Variants in SLC25A13 observed in about 807,000 individuals in gnomAD.
SLC25A13 encodes electrogenic aspartate/glutamate antiporter SLC25A13, mitochondrial.
SLC25A13 carries 70 observed loss-of-function variants against 85.5 expected under a neutral mutation model. That is an observed-to-expected ratio of 0.82 (90% CI 0.68 to 1.00). The LOEUF (loss-of-function observed/expected upper bound fraction) is 1.00, where lower values mean the gene tolerates loss of function less well. SLC25A13 is among the 50% of genes least tolerant of loss of function. The pLI is 0.00. For missense variants in SLC25A13, 765 were observed against 819.8 expected, an observed-to-expected ratio of 0.93 and a Z score of 0.82; for synonymous variants, 259 against 288.7, an observed-to-expected ratio of 0.90 and a Z score of 1.04.
chr7:96,309,245 G>A (rs1393871759), intron 1 of SLC25A13, among the ~76,000 whole-genome samples: 1 of 152,162 alleles, frequency 6.6e-6, no homozygotes, highest in Admixed American at 6.5e-5. Context: ...TGGACCTGCT[G>A]GGAATTTTGC....
chr7:96,170,157 A>C (rs200880002), intron 12 of SLC25A13, 32 bp from the exon 13 acceptor site: 154 of 1,583,250 alleles, frequency 9.7e-5, no homozygotes, highest in Admixed American at 4.8e-4. Flanking sequence ...AAGCTGATGA[A>C]AAATATAAAG....
intron 4 of SLC25A13, among the ~76,000 whole-genome samples, chr7:96,222,599 C>T (rs1163786814): frequency 6.6e-6 from 1 of 152,132 alleles, no homozygotes; most frequent in Non-Finnish European, 1.5e-5. Context: ...GCACATGCCA[C>T]CATGCCCAGC....
intron 2 of SLC25A13, among the ~76,000 whole-genome samples, chr7:96,293,222 C>T (rs544201991): frequency 6.6e-6 from 1 of 152,068 alleles, no homozygotes; most frequent in Admixed American, 6.6e-5. Flanking sequence ...AACTGGCTAG[C>T]CATATGTAGA....
rs1457091540 is a variant in SLC25A13, at chr7:96,158,442, T to A, written c.1311+11603A>T. On this transcript the variant is annotated intron_variant, in intron 13 of 17. Transcript: ENST00000265631. ...CTAAAAGCAATAAATATAACTGTAA[T>A]TTAATCACCCTCCTTTAATTTGAAT... is the stretch of plus-strand genomic sequence containing the variant. Among the ~76,000 whole-genome samples the A allele has an allele frequency of 2.6e-5, 4 of 152,220 alleles. No individual in the cohort carries two copies. In the East Asian group the frequency reaches 7.7e-4, roughly 29 times the overall value.
intron 1 of SLC25A13, among the ~76,000 whole-genome samples, chr7:96,316,498 G>C (rs928759279): frequency 1.3e-5 from 2 of 152,112 alleles, no homozygotes; most frequent in African/African-American, 4.8e-5. Context: ...CTTCGCAAAT[G>C]GAACTCTTGG....
Position 96,285,475 on chromosome 7 carries a change from G to A in SLC25A13, c.70-8137C>T, listed in dbSNP as rs377649378. Among the ~76,000 whole-genome samples, 23 of 152,252 alleles carry A rather than the reference G, an allele frequency of 1.5e-4. No homozygotes were observed. The East Asian group carries it at 3.1e-3, about 20-fold the overall frequency. The stretch of plus-strand genomic sequence containing the variant: ...GAGCAATACTCCTTCAACCTGCAGA[G>A]GTTGTTTTCTCCTCAACTCATCTCC... On this transcript the variant is annotated intron_variant, in intron 2 of 17. Transcript: ENST00000265631.
intron 11 of SLC25A13, among the ~76,000 whole-genome samples, chr7:96,172,973 T>C (rs990278496): frequency 6.6e-6 from 1 of 152,226 alleles, no homozygotes; most frequent in Non-Finnish European, 1.5e-5. Flanking sequence ...TTAGCCAGCA[T>C]GGTCTCCATC....
At chr7:96,137,434 T>C (rs1191645025) in intron 14 of SLC25A13, among the ~76,000 whole-genome samples, 1 of 152,220 alleles carries the variant, frequency 6.6e-6, no homozygotes, top group East Asian at 1.9e-4. Context: ...CTGTTTCTTG[T>C]AGGAAATGCT....
intron 2 of SLC25A13, chr7:96,283,514 T>C: frequency 2.6e-6 from 1 of 387,994 alleles, no homozygotes. Context: ...AAAGGAATGC[T>C]TTACAAGTGT....
At chr7:96,195,485 A>G (rs2116672307) in intron 5 of SLC25A13, among the ~76,000 whole-genome samples, 1 of 152,208 alleles carries the variant, frequency 6.6e-6, no homozygotes, top group South Asian at 2.1e-4. Context: ...GTCAGTCTGG[A>G]GCTTGGGCTT....
chr7:96,182,176 G>A (rs1448336726), intron 11 of SLC25A13, among the ~76,000 whole-genome samples: 1 of 152,064 alleles, frequency 6.6e-6, no homozygotes, highest in African/African-American at 2.4e-5. Flanking sequence ...TCAAGAATAG[G>A]AACAAGTCAT....
intron 2 of SLC25A13, among the ~76,000 whole-genome samples, chr7:96,282,875 A>C (rs1326319683): frequency 1.3e-5 from 2 of 152,222 alleles, no homozygotes; most frequent in Non-Finnish European, 2.9e-5. Context: ...CTATTTATTT[A>C]AAAATGAAAA....
chr7:96,248,009 A>G (rs1224339395), intron 3 of SLC25A13, among the ~76,000 whole-genome samples: 2 of 151,748 alleles, frequency 1.3e-5, no homozygotes, highest in Non-Finnish European at 2.9e-5. Flanking sequence ...ACTCTCCATC[A>G]GCCTACACCA....
At chr7:96,189,484 C>G (rs769173075) in intron 8 of SLC25A13, 97 bp downstream of exon 8, 229 of 1,523,918 alleles carry the variant, frequency 1.5e-4, no homozygotes, top group Non-Finnish European at 2.0e-4. Context: ...TTCAGTATAG[C>G]CTTCAGTTTG....
intron 3 of SLC25A13, among the ~76,000 whole-genome samples, chr7:96,242,975 T>C (rs1460633628): frequency 2.6e-5 from 4 of 152,208 alleles, no homozygotes; most frequent in Non-Finnish European, 5.9e-5. Flanking sequence ...CTGACTCTTT[T>C]TTTTTTGAGA....
intron 1 of SLC25A13, among the ~76,000 whole-genome samples, chr7:96,310,155 A>T (rs1799899585): frequency 6.6e-6 from 1 of 152,220 alleles, no homozygotes; most frequent in South Asian, 2.1e-4. Flanking sequence ...CAGCCCTAGC[A>T]AACTAATACA....
At chr7:96,209,817 A>G (rs1021676987) in intron 4 of SLC25A13, among the ~76,000 whole-genome samples, 8 of 152,222 alleles carry the variant, frequency 5.3e-5, no homozygotes, top group Admixed American at 6.5e-5. Flanking sequence ...TCTTGATAAA[A>G]GTATGTGTTT....
chr7:96,319,724 G>C (rs1368046700), intron 1 of SLC25A13, among the ~76,000 whole-genome samples: 2 of 151,906 alleles, frequency 1.3e-5, no homozygotes, highest in Non-Finnish European at 2.9e-5. Flanking sequence ...CCTTTGTCCT[G>C]TTTTTCCCAT....
chr7:96,260,055 G>C (rs867724938), intron 3 of SLC25A13, among the ~76,000 whole-genome samples: 1 of 152,002 alleles, frequency 6.6e-6, no homozygotes, highest in African/African-American at 2.4e-5. Flanking sequence ...GGCCTGTCGG[G>C]GGGTGGGGAG....
Sources: gnomAD v4.1 joint callset for allele counts (sites outside exome capture counted in the v4.1 genomes callset) on GRCh38, gnomAD v4.1.1 for gene constraint, MANE v1.5 for transcripts, NCBI Gene and HGNC (gene_info 2026-07-23, HGNC 2026-07-21) for gene names.